Variants in LRRC37A2 observed in about 807,000 individuals in gnomAD.
The protein encoded by LRRC37A2 is leucine rich repeat containing 37 member A2, also known as leucine-rich repeat-containing protein 37A2.
LRRC37A2 carries 9 observed loss-of-function variants against 68.8 expected under a neutral mutation model. That is an observed-to-expected ratio of 0.13 (90% CI 0.08 to 0.23). The LOEUF (loss-of-function observed/expected upper bound fraction) is 0.23, where lower values mean the gene tolerates loss of function less well. Ranked by LOEUF, LRRC37A2 falls within the 10% of genes least tolerant of loss-of-function variation. The pLI is 1.00. For synonymous variants in LRRC37A2, 63 were observed against 367.6 expected, an observed-to-expected ratio of 0.17 and a Z score of 9.48; for missense variants, 168 against 950.4, an observed-to-expected ratio of 0.18 and a Z score of 10.82.
At chr17:47,041,450 CTCTT>C in the LRRC37A2 span, among the ~76,000 whole-genome samples, 4 of 69,572 alleles carry the variant, frequency 5.7e-5, no homozygotes, top group East Asian at 8.0e-4. Context: ...TTTTGGATGT[CTCTT>C]TTTTTTTTTT....
the LRRC37A2 span, among the ~76,000 whole-genome samples, chr17:46,985,806 A>G: frequency 6.6e-6 from 1 of 152,210 alleles, no homozygotes; most frequent in Non-Finnish European, 1.5e-5. Context: ...GAATACCTTC[A>G]ATAAAGCTTT....
the LRRC37A2 span, among the ~76,000 whole-genome samples, chr17:46,814,612 C>T: frequency 6.6e-6 from 1 of 152,178 alleles, no homozygotes; most frequent in African/African-American, 2.4e-5. Context: ...GTGGGATCAA[C>T]AGCCTCCAGC....
the LRRC37A2 span, among the ~76,000 whole-genome samples, chr17:46,836,273 G>T: frequency 1.3e-5 from 2 of 152,112 alleles, no homozygotes; most frequent in Non-Finnish European, 2.9e-5. Context: ...TTCAACTGGG[G>T]CTCCCAGGGA....
the LRRC37A2 span, chr17:46,721,490 T>C: frequency 2.5e-6 from 2 of 791,020 alleles, no homozygotes; most frequent in Non-Finnish European, 4.2e-6. Flanking sequence ...ATTTTACCTG[T>C]TCTACAGGAA....
the LRRC37A2 span, among the ~76,000 whole-genome samples, chr17:46,954,595 G>A: frequency 6.6e-6 from 1 of 152,110 alleles, no homozygotes; most frequent in African/African-American, 2.4e-5. Flanking sequence ...GGATGACATT[G>A]AATCTATAAA....
At chr17:46,728,369 G>A in the LRRC37A2 span, among the ~76,000 whole-genome samples, 51 of 152,234 alleles carry the variant, frequency 3.4e-4, no homozygotes, top group South Asian at 3.5e-3. Flanking sequence ...TCTTAGAAAT[G>A]CTTGGTAAAT....
the LRRC37A2 span, among the ~76,000 whole-genome samples, chr17:46,980,045 C>G: frequency 1.3e-5 from 2 of 152,142 alleles, no homozygotes; most frequent in Non-Finnish European, 2.9e-5. Context: ...TGGTCCTCTA[C>G]AGCTATGGCT....
At chr17:46,707,070 C>T in the LRRC37A2 span, among the ~76,000 whole-genome samples, 1 of 151,778 alleles carries the variant, frequency 6.6e-6, no homozygotes, top group African/African-American at 2.4e-5. Context: ...AGGCTGGTCT[C>T]GAACTCCTGA....
At chr17:46,400,106 TTCC>T in the LRRC37A2 span, among the ~76,000 whole-genome samples, 2 of 142,338 alleles carry the variant, frequency 1.4e-5, no homozygotes, top group African/African-American at 5.2e-5. Flanking sequence ...CTCACAGGGC[TTCC>T]TCCTCTTGCA....
chr17:46,768,243 G>T, the LRRC37A2 span: 1 of 1,602,946 alleles, frequency 6.2e-7, no homozygotes, highest in South Asian at 1.1e-5. The surrounding 1 kb of genome is among the most constrained non-coding windows in gnomAD (Gnocchi z 5.0). Context: ...TCAAGAAGAC[G>T]AGATGGGCAA....
the LRRC37A2 span, among the ~76,000 whole-genome samples, chr17:47,031,365 G>A: frequency 6.8e-6 from 1 of 147,440 alleles, no homozygotes; most frequent in African/African-American, 2.5e-5. Flanking sequence ...CTGAATGGGG[G>A]CAATAATCAT....
chr17:46,816,805 C>T, the LRRC37A2 span, among the ~76,000 whole-genome samples: 1 of 152,208 alleles, frequency 6.6e-6, no homozygotes, highest in African/African-American at 2.4e-5. Flanking sequence ...CTACCCTCCC[C>T]CAACCCACCA....
the LRRC37A2 span, among the ~76,000 whole-genome samples, chr17:46,781,382 C>G: frequency 1.3e-5 from 2 of 150,304 alleles, no homozygotes; most frequent in Admixed American, 1.3e-4. Flanking sequence ...AAAGACACGC[C>G]AGCTTAGGCA....
the LRRC37A2 span, among the ~76,000 whole-genome samples, chr17:46,802,170 T>G: frequency 2.0e-5 from 3 of 152,254 alleles, no homozygotes; most frequent in Non-Finnish European, 4.4e-5. Flanking sequence ...TGTATGCTAA[T>G]GAGCTGACGG....
At chr17:46,768,813 G>A in the LRRC37A2 span, 2 of 1,611,264 alleles carry the variant, frequency 1.2e-6, no homozygotes, top group East Asian at 4.5e-5. This position sits in a 1 kb window ranked among gnomAD's most constrained non-coding sequence, Gnocchi z 5.0. Context: ...GGGGAGAGAA[G>A]TGGCAGCTGG....
At chr17:46,487,001 T>C in the LRRC37A2 span, 2 of 672,618 alleles carry the variant, frequency 3.0e-6, 1 homozygote, top group African/African-American at 4.9e-5. Context: ...TTAACTATTC[T>C]TAAATCTTGG....
At chr17:46,729,389 T>C in the LRRC37A2 span, among the ~76,000 whole-genome samples, 2 of 152,190 alleles carry the variant, frequency 1.3e-5, no homozygotes, top group Admixed American at 1.3e-4. Context: ...TAACAGATGA[T>C]CTTGAGTTAT....
At chr17:46,883,052 C>T in the LRRC37A2 span, among the ~76,000 whole-genome samples, 2 of 152,060 alleles carry the variant, frequency 1.3e-5, no homozygotes, top group African/African-American at 4.8e-5. Flanking sequence ...GATCTCTGCT[C>T]ACTGCAAGCT....
At chr17:46,743,544 G>T in the LRRC37A2 span, among the ~76,000 whole-genome samples, 1 of 152,194 alleles carries the variant, frequency 6.6e-6, no homozygotes, top group Non-Finnish European at 1.5e-5. Context: ...GTGAGTGATG[G>T]GGCCTCTACT....
Sources: gnomAD v4.1 joint callset for allele counts (sites outside exome capture counted in the v4.1 genomes callset) on GRCh38, gnomAD v4.1.1 for gene constraint, Gnocchi (gnomAD v3.1) non-coding constraint, MANE v1.5 for transcripts, NCBI Gene and HGNC (gene_info 2026-07-23, HGNC 2026-07-21) for gene names.